PROCR: variants seen among roughly 807,000 people sequenced by gnomAD.
The protein encoded by PROCR is protein C receptor.
A neutral mutation model predicts 24.2 loss-of-function variants in PROCR; 22 were observed. The observed-to-expected ratio is 0.91, with a 90% CI of 0.65 to 1.30. The LOEUF is 1.30. Among genes scored for constraint, PROCR ranks in the 50% most tolerant of loss-of-function variants. The probability of loss-of-function intolerance (pLI) is 0.00; values close to 1 mark genes in which losing one functional copy is unlikely to be tolerated. For synonymous variants in PROCR, 137 were observed against 139.2 expected, an observed-to-expected ratio of 0.98 and a Z score of 0.11; for missense variants, 288 against 307.7, an observed-to-expected ratio of 0.94 and a Z score of 0.48.
Position 35,176,423 on chromosome 20 carries a change from A to G in PROCR, c.578A>G (p.His193Arg), listed in dbSNP as rs1447541077. ...EDTCVQYVQK[H>R]ISAENTKGSQ... Reference sequence around the variant, plus strand: ...ACCTGTGTGCAGTATGTGCAGAAACATATTTCCGCGGAAAACACGAAAGGT... The same window carrying G: ...ACCTGTGTGCAGTATGTGCAGAAACGTATTTCCGCGGAAAACACGAAAGGT... Residue 193 changes from histidine (H) to arginine (R), a missense_variant, in exon 3 of 4, where the codon CAT becomes CGT. Transcript: ENST00000216968. 1.2e-6 allele frequency: 2 copies of G among 1,613,976 alleles called. No individual in the cohort carries two copies. Among genetic ancestry groups the G allele is most frequent in the African/African-American group, 1.3e-5 (1 of 75,034 alleles).
At chr20:35,186,524 C>G (rs1384160694) in intron 1 of PROCR, among the ~76,000 whole-genome samples, 2 of 149,622 alleles carry the variant, frequency 1.3e-5, no homozygotes, top group Non-Finnish European at 3.0e-5. Context: ...CAAGATCGCG[C>G]CATTGCACTC....
At chr20:35,172,404 T>C (rs1246642535) in intron 1 of PROCR, among the ~76,000 whole-genome samples, 180 bp downstream of exon 1, 1 of 152,024 alleles carries the variant, frequency 6.6e-6, no homozygotes, top group East Asian at 1.9e-4. Flanking sequence ...CAAGGTGAGT[T>C]AGTACATTTA....
intron 1 of PROCR, among the ~76,000 whole-genome samples, chr20:35,187,368 C>T (rs1264456497): frequency 2.6e-5 from 4 of 152,268 alleles, no homozygotes; most frequent in South Asian, 2.1e-4. Flanking sequence ...GGCCTGAACA[C>T]GCTTATACTA....
intron 1 of PROCR, among the ~76,000 whole-genome samples, chr20:35,196,390 A>C (rs573050815): frequency 6.6e-6 from 1 of 152,156 alleles, no homozygotes; most frequent in South Asian, 2.1e-4. Context: ...AGTGAACCCC[A>C]AAAGGATAAA....
downstream of PROCR, among the ~76,000 whole-genome samples, chr20:35,180,482 A>G (rs908058105): frequency 6.6e-6 from 1 of 152,106 alleles, no homozygotes; most frequent in Non-Finnish European, 1.5e-5. Context: ...CTCTGAGAAT[A>G]GGTTGGATTG....
intron 1 of PROCR, among the ~76,000 whole-genome samples, chr20:35,209,460 G>T (rs1190095396): frequency 1.3e-5 from 2 of 152,174 alleles, no homozygotes; most frequent in Admixed American, 1.3e-4. Context: ...CAAGGTCTAT[G>T]CTAGAAATAG....
intron 1 of PROCR, among the ~76,000 whole-genome samples, chr20:35,213,226 G>T (rs950260394): frequency 5.3e-5 from 8 of 152,134 alleles, no homozygotes; most frequent in African/African-American, 1.9e-4. Context: ...CCAGCTACTT[G>T]GGAGGCTGAG....
intron 1 of PROCR, 71 bp from the exon 2 acceptor site, chr20:35,174,631 G>A (rs2085987285): frequency 1.9e-6 from 3 of 1,597,528 alleles, no homozygotes; most frequent in Admixed American, 3.3e-5. Flanking sequence ...CTCGAGGTAG[G>A]GGGTTATTAT....
At chr20:35,214,835 T>TG (rs2060375623) in intron 1 of PROCR, among the ~76,000 whole-genome samples, 1 of 151,950 alleles carries the variant, frequency 6.6e-6, no homozygotes, top group Admixed American at 6.6e-5. Flanking sequence ...GGGATTGGAC[T>TG]GGGACCTTCT....
chr20:35,213,190 A>C (rs2060368456), intron 1 of PROCR, among the ~76,000 whole-genome samples: 1 of 152,126 alleles, frequency 6.6e-6, no homozygotes, highest in African/African-American at 2.4e-5. Context: ...AAAATTAGTC[A>C]GGTATGGTGG....
intron 2 of PROCR, among the ~76,000 whole-genome samples, chr20:35,175,565 C>T (rs961164657): frequency 7.1e-6 from 1 of 141,098 alleles, no homozygotes; most frequent in Non-Finnish European, 1.5e-5. Context: ...TCCTAGTCCC[C>T]CACCCCACCC....
At chr20:35,212,820 T>C (rs1387393824) in intron 1 of PROCR, among the ~76,000 whole-genome samples, 2 of 152,258 alleles carry the variant, frequency 1.3e-5, no homozygotes, top group African/African-American at 4.8e-5. Context: ...TCAAGGTTGA[T>C]AGGCATTGCC....
At chr20:35,210,915 G>A (rs2060360668) in intron 1 of PROCR, among the ~76,000 whole-genome samples, 2 of 152,122 alleles carry the variant, frequency 1.3e-5, no homozygotes, top group African/African-American at 2.4e-5. Context: ...GTTTCACCAT[G>A]TTGGCCAGGC....
At chr20:35,215,686 G>A (rs1253294810) in intron 1 of PROCR, among the ~76,000 whole-genome samples, 2 of 152,104 alleles carry the variant, frequency 1.3e-5, no homozygotes, top group East Asian at 1.9e-4. Flanking sequence ...TAGGTGTGTC[G>A]TGGGGTAGGT....
At chr20:35,171,290 C>A (rs751352868), upstream of PROCR, among the ~76,000 whole-genome samples, 2 of 152,194 alleles carry the variant, frequency 1.3e-5, no homozygotes, top group Admixed American at 6.5e-5. Context: ...CCAAAGCACA[C>A]ATATACAACT....
intron 1 of PROCR, among the ~76,000 whole-genome samples, chr20:35,192,940 C>T (rs1176383214): frequency 1.3e-5 from 2 of 151,886 alleles, no homozygotes; most frequent in Non-Finnish European, 2.9e-5. Context: ...GAATATACAA[C>T]GAGAGTAGAA....
Position 35,177,099 on chromosome 20 carries a change from G to C in PROCR, c.*286G>C. On this transcript the variant is annotated 3_prime_UTR_variant, in exon 4 of 4. Coordinates refer to ENST00000216968, the MANE Select transcript of PROCR (RefSeq NM_006404.5). ...TTGTGGAAAACAGATAATGGAGTTG[G>C]GGCAGGAAGCCTATGGCCCATCCTC... The C allele has an allele frequency of 8.2e-7, 1 of 1,221,588 alleles. No individual in the cohort carries two copies. Among genetic ancestry groups the C allele is most frequent in the Non-Finnish European group, 1.0e-6 (1 of 964,626 alleles). The allele number at this position is 1,221,588 out of a possible 1,614,324, so 75.7% of individuals were successfully genotyped here.
At chr20:35,200,282 T>G (rs565720967) in intron 1 of PROCR, among the ~76,000 whole-genome samples, 35 of 152,368 alleles carry the variant, frequency 2.3e-4, no homozygotes, top group Non-Finnish European at 4.4e-4. Context: ...GGTAAAATGC[T>G]ATCAAACACC....
chr20:35,172,044 C>T (rs1278522287), upstream of PROCR: 5 of 962,348 alleles, frequency 5.2e-6, no homozygotes, highest in Non-Finnish European at 8.4e-6. Flanking sequence ...CTCCTCTGCC[C>T]AGACTCCGCC....
Sources: gnomAD v4.1 joint callset for allele counts (sites outside exome capture counted in the v4.1 genomes callset) on GRCh38, gnomAD v4.1.1 for gene constraint, MANE v1.5 for transcripts, NCBI Gene and HGNC (gene_info 2026-07-23, HGNC 2026-07-21) for gene names.